LRCH1: variants seen among roughly 807,000 people sequenced by gnomAD.
The protein encoded by LRCH1 is leucine rich repeats and calponin homology domain containing 1.
Under a neutral mutation model 94.9 loss-of-function variants are expected in LRCH1, and 23 were observed. The ratio of observed to expected loss-of-function variants is 0.24; its 90% confidence interval spans 0.17 to 0.34. The LOEUF (loss-of-function observed/expected upper bound fraction) is 0.34. LRCH1 is among the 10% of genes least tolerant of loss of function. The pLI, the probability that LRCH1 is intolerant of heterozygous loss-of-function variation, is 1.00. For missense variants in LRCH1, 790 were observed against 945.9 expected (o/e 0.84, Z 2.16); for synonymous variants, 364 against 354.9 (o/e 1.03, Z -0.29).
At chr13:46,696,756 T>G (rs1871216138) in intron 9 of LRCH1, among the ~76,000 whole-genome samples, 1 of 152,212 alleles carries the variant, frequency 6.6e-6, no homozygotes, top group African/African-American at 2.4e-5. Flanking sequence ...AGGCTTGATA[T>G]CCATCAACTT....
At chr13:46,671,443 T>C (rs1406038459) in intron 3 of LRCH1, among the ~76,000 whole-genome samples, 1 of 152,234 alleles carries the variant, frequency 6.6e-6, no homozygotes, top group Non-Finnish European at 1.5e-5. Context: ...TGAATGTTAC[T>C]GTTGAATGGT....
intron 11 of LRCH1, 94 bp from the exon 12 acceptor site, chr13:46,704,974 G>T: frequency 1.5e-6 from 1 of 648,738 alleles, no homozygotes; most frequent in South Asian, 2.6e-5. Context: ...TAACTTTTTA[G>T]TAAATTAAAA....
intron 1 of LRCH1, among the ~76,000 whole-genome samples, chr13:46,636,058 CCT>C (rs1491141999): frequency 1.5e-5 from 2 of 132,640 alleles, no homozygotes; most frequent in African/African-American, 5.6e-5. Flanking sequence ...ACCATGTCAA[CCT>C]TTTTTTTTTT....
At chr13:46,749,845 A>C (rs1481322997), downstream of LRCH1, among the ~76,000 whole-genome samples, 1 of 152,214 alleles carries the variant, frequency 6.6e-6, no homozygotes, top group East Asian at 1.9e-4. Context: ...AAGGTTCTGC[A>C]CACAAGGAGG....
rs878863952 is a variant in LRCH1 at position 46,741,779 on chromosome 13, C to T, written c.2223C>T (p.Phe741=). 1 of 1,614,196 alleles carries T rather than the reference C, an allele frequency of 6.2e-7. No homozygotes were observed. The highest frequency in any genetic ancestry group is 1.3e-5 in the African/African-American group (1 of 75,044). Residue 741 remains phenylalanine, a synonymous_variant, in exon 20 of 20, where the codon TTC becomes TTT. Coordinates refer to ENST00000389797, the MANE Select transcript of LRCH1 (RefSeq NM_001164211.2). Reference sequence around the variant, plus strand: ...TCCGCTCCAGGGACCTTATAGGCTTCTGTCTTGTCCATATTCTCTTTATAG... The same window carrying T: ...TCCGCTCCAGGGACCTTATAGGCTTTTGTCTTGTCCATATTCTCTTTATAG... ...SALRSRDLIG[F]CLVHILFIVL...
intron 1 of LRCH1, among the ~76,000 whole-genome samples, chr13:46,648,709 G>A (rs1005276818): frequency 2.0e-4 from 30 of 151,992 alleles, no homozygotes; most frequent in Admixed American, 1.9e-3. Context: ...TGCCTTAGTA[G>A]CATTTTAAAG....
At chr13:46,700,842 A>G (rs1871427197) in intron 10 of LRCH1, among the ~76,000 whole-genome samples, 1 of 152,200 alleles carries the variant, frequency 6.6e-6, no homozygotes, top group South Asian at 2.1e-4. Context: ...CATCTAGGCC[A>G]TTGCCTGACT....
intron 2 of LRCH1, among the ~76,000 whole-genome samples, chr13:46,661,936 A>G (rs1174735453): frequency 6.6e-6 from 1 of 152,154 alleles, no homozygotes; most frequent in Non-Finnish European, 1.5e-5. Context: ...ATTTTTGGCC[A>G]GGCGCCGTGG....
chr13:46,730,769 G>T (rs1310106873), intron 18 of LRCH1, among the ~76,000 whole-genome samples: 1 of 152,050 alleles, frequency 6.6e-6, no homozygotes, highest in Non-Finnish European at 1.5e-5. Flanking sequence ...TCTGAGTCTC[G>T]TGCCAGATTC....
At chr13:46,572,363 A>G (rs1343079602) in intron 1 of LRCH1, among the ~76,000 whole-genome samples, 1 of 152,226 alleles carries the variant, frequency 6.6e-6, no homozygotes, top group Non-Finnish European at 1.5e-5. Context: ...TTACTGCAAC[A>G]CTACTTTAAG....
At chr13:46,699,611 T>G (rs1310285268) in intron 10 of LRCH1, among the ~76,000 whole-genome samples, 1 of 152,228 alleles carries the variant, frequency 6.6e-6, no homozygotes, top group Non-Finnish European at 1.5e-5. Flanking sequence ...TACTTGGCCT[T>G]GAGTCTTATT....
In LRCH1 at chr13:46,695,000, G is replaced by A. The variant is rs374337745; in HGVS notation, c.1228G>A (p.Glu410Lys). 69 of 1,613,774 alleles carry A rather than the reference G, an allele frequency of 4.3e-5. No homozygotes were observed. Among genetic ancestry groups the A allele is most frequent in the Non-Finnish European group, 5.7e-5 (67 of 1,179,886 alleles). ...FTDRADGLHSEFMNYKARAED... is the reference protein window; with the variant it reads ...FTDRADGLHSKFMNYKARAED... Reference sequence around the variant, plus strand: ...TGATAGAGCAGATGGTCTCCATTCGGAATTTATGAACTATAAGGCAAGATT... The same window carrying A: ...TGATAGAGCAGATGGTCTCCATTCGAAATTTATGAACTATAAGGCAAGATT... Residue 410 changes from glutamate (E) to lysine (K), a missense_variant, in exon 9 of 20, where the codon GAA becomes AAA. This residue lies in a region of LRCH1 where 460 missense variants were observed against 508.9 expected (regional missense o/e 0.90). Coordinates refer to ENST00000389797, the MANE Select transcript of LRCH1 (RefSeq NM_001164211.2).
chr13:46,700,496 A>G (rs1871406170), intron 10 of LRCH1, among the ~76,000 whole-genome samples: 2 of 152,168 alleles, frequency 1.3e-5, no homozygotes, highest in South Asian at 4.1e-4. Context: ...TTTTTAAACT[A>G]TATAACGGTT....
chr13:46,582,578 G>A (rs987013362), intron 1 of LRCH1, among the ~76,000 whole-genome samples: 11 of 145,454 alleles, frequency 7.6e-5, no homozygotes, highest in Non-Finnish European at 1.5e-4. Context: ...TTGACCTCCC[G>A]GGCTCAGGTG....
chr13:46,653,676 C>T (rs1359981505), intron 2 of LRCH1, among the ~76,000 whole-genome samples: 1 of 151,204 alleles, frequency 6.6e-6, no homozygotes, highest in Non-Finnish European at 1.5e-5. Context: ...AAAAAAAATA[C>T]AAAAAGTAGC....
In LRCH1 at chr13:46,743,099, C is replaced by T. The variant is rs1249565096; in HGVS notation, c.*1251C>T. 3 of 985,294 alleles carry T rather than the reference C, an allele frequency of 3.0e-6. No homozygotes were observed. The highest frequency in any genetic ancestry group is 1.2e-4 in the Admixed American group (2 of 16,266). 61.0% of individuals were successfully genotyped at this position (985,294 alleles called of 1,614,324 possible). A position where few individuals can be genotyped will look rare whatever the true frequency, so the allele number is the denominator to read the frequency against. On this transcript the variant is annotated 3_prime_UTR_variant, in exon 20 of 20. Transcript: ENST00000389797. ...AGGTCAAGGCAGCCTCCTTATTTTA[C>T]ATGCTGTTTGCCAAATCTTGTTTCT...
chr13:46,586,914 A>T (rs569439350), intron 1 of LRCH1, among the ~76,000 whole-genome samples: 9 of 152,314 alleles, frequency 5.9e-5, no homozygotes, highest in South Asian at 4.1e-4. Context: ...CATTTCACCC[A>T]GGATTTTGTC....
Position 46,652,579 on chromosome 13 carries a change from G to A in LRCH1, c.452+2234G>A, listed in dbSNP as rs563240428. 3.9e-5 allele frequency among the ~76,000 whole-genome samples: 6 copies of A among 152,218 alleles called. No homozygotes were observed. In the East Asian group the frequency reaches 9.7e-4, roughly 25 times the overall value. On this transcript the variant is annotated intron_variant, in intron 2 of 19. Transcript: ENST00000389797. The stretch of plus-strand genomic sequence containing the variant: ...ATTTTCTTGCTGTTTCTACCATAGT[G>A]GGGTGTTAATAACCTTGGAATTTCC...
chr13:46,585,407 C>T (rs1024355640), intron 1 of LRCH1, among the ~76,000 whole-genome samples: 3 of 152,052 alleles, frequency 2.0e-5, no homozygotes, highest in African/African-American at 4.8e-5. Flanking sequence ...GAAACCACGT[C>T]TCTACTAAAA....
Sources: allele counts gnomAD v4.1 joint callset (sites outside exome capture counted in the v4.1 genomes callset), GRCh38; gene constraint gnomAD v4.1.1; regional missense constraint gnomAD v4.1.1; transcripts MANE v1.5; gene names NCBI Gene and HGNC (gene_info 2026-07-23, HGNC 2026-07-21).